The following ASS1 variants were observed in gnomAD, a reference collection of about 807,000 sequenced individuals.
ASS1 encodes argininosuccinate synthase.
In ASS1, 58 loss-of-function variants were observed where a neutral mutation model predicts 60.5. That is an observed-to-expected ratio of 0.96 (90% CI 0.78 to 1.19). The LOEUF is 1.19. Ranked by LOEUF, ASS1 falls within the 50% of genes most tolerant of loss-of-function variation. The probability of loss-of-function intolerance (pLI) is 0.00; values close to 1 mark genes in which losing one functional copy is unlikely to be tolerated. For synonymous variants in ASS1, 200 were observed against 206.9 expected, an observed-to-expected ratio of 0.97 and a Z score of 0.29; for missense variants, 454 against 547.3, an observed-to-expected ratio of 0.83 and a Z score of 1.70.
chr9:130,482,363 TCATAATAAGGGCCTGCCACAGG>T (rs1209503991), intron 11 of ASS1, among the ~76,000 whole-genome samples: 3 of 151,094 alleles, frequency 2.0e-5, no homozygotes, highest in Admixed American at 6.6e-5. Context: ...ACCTGTCTTA[TCATAATAAGGGCCTGCCACAGG>T]CATGCCCTTG....
chr9:130,481,521 C>G (rs1846175400), intron 11 of ASS1, among the ~76,000 whole-genome samples: 1 of 152,212 alleles, frequency 6.6e-6, no homozygotes, highest in Non-Finnish European at 1.5e-5. Flanking sequence ...GAGAGCCGAT[C>G]ACCCCATGTG....
intron 4 of ASS1, among the ~76,000 whole-genome samples, chr9:130,460,068 C>T (rs189656788): frequency 2.0e-5 from 3 of 152,326 alleles, no homozygotes; most frequent in Admixed American, 2.0e-4. Context: ...GTTTACCAAC[C>T]CCACAGTCAG....
intron 14 of ASS1, 67 bp downstream of exon 14, chr9:130,499,637 C>T (rs548212658): frequency 4.7e-6 from 7 of 1,504,314 alleles, no homozygotes; most frequent in Non-Finnish European, 6.4e-6. Flanking sequence ...TTTGAGAGCC[C>T]CCAGGTGTAA....
chr9:130,471,793 A>T (rs1024385943), intron 8 of ASS1, among the ~76,000 whole-genome samples: 10 of 152,120 alleles, frequency 6.6e-5, no homozygotes, highest in Admixed American at 6.5e-5. Context: ...ATAGAGAGAG[A>T]GTGTGATTGT....
chr9:130,492,219 G>C (rs534789301), intron 12 of ASS1, among the ~76,000 whole-genome samples: 2 of 152,190 alleles, frequency 1.3e-5, no homozygotes, highest in Non-Finnish European at 1.5e-5. Flanking sequence ...TAATGGTCTT[G>C]AGCAGGGCTG....
intron 11 of ASS1, among the ~76,000 whole-genome samples, chr9:130,482,569 C>T (rs1410915471): frequency 6.6e-6 from 1 of 151,732 alleles, no homozygotes; most frequent in Non-Finnish European, 1.5e-5. Context: ...TGTGAAATGG[C>T]ATCCTGTGGG....
chr9:130,465,179 A>G (rs1845705891), intron 5 of ASS1, among the ~76,000 whole-genome samples: 1 of 151,702 alleles, frequency 6.6e-6, no homozygotes, highest in South Asian at 2.1e-4. Flanking sequence ...CTCCTGAATA[A>G]CTGGGACTAT....
At chr9:130,482,116 G>T (rs1846187104) in intron 11 of ASS1, among the ~76,000 whole-genome samples, 2 of 152,146 alleles carry the variant, frequency 1.3e-5, no homozygotes, top group Non-Finnish European at 2.9e-5. Flanking sequence ...AGGCACTTTA[G>T]TGGCAGGACC....
At chr9:130,480,329 G>A in intron 10 of ASS1, 56 bp from the exon 11 acceptor site, 1 of 1,603,418 alleles carries the variant, frequency 6.2e-7, no homozygotes, top group Non-Finnish European at 8.5e-7. Context: ...CAGCTGGGTG[G>A]GTGACTCTGA....
Position 130,476,979 on chromosome 9 carries a change from G to A in ASS1, c.688+18G>A. The A allele has an allele frequency of 6.2e-7, 1 of 1,608,386 alleles. No individual in the cohort carries two copies. The highest frequency in any genetic ancestry group is 8.5e-7 in the Non-Finnish European group (1 of 1,174,892). On this transcript the variant is annotated intron_variant, in intron 9 of 14. Transcript: ENST00000352480. The surrounding 1 kb of genome is among the most constrained non-coding windows in gnomAD (Gnocchi z 4.9). The stretch of plus-strand genomic sequence containing the variant: ...CAAAAAAGGTATGTGCCCACCTGTT[G>A]GGACTCGAAGGGGGTTGACTTTTGG...
At chr9:130,484,799 G>GCACACA (rs3030699) in intron 11 of ASS1, among the ~76,000 whole-genome samples, 140 of 146,702 alleles carry the variant, frequency 9.5e-4, no homozygotes, top group Middle Eastern at 3.4e-3. Flanking sequence ...AGCTTTAAAC[G>GCACACA]CACACACACA....
At chr9:130,479,623 G>A (rs922633796) in intron 9 of ASS1, 93 bp from the exon 10 acceptor site, 1 of 993,396 alleles carries the variant, frequency 1.0e-6, no homozygotes, top group Non-Finnish European at 1.6e-6. Flanking sequence ...TCCATTTAAG[G>A]CGTTTCGGGA....
At chr9:130,455,135 T>C (rs1845419625) in intron 3 of ASS1, among the ~76,000 whole-genome samples, 1 of 147,978 alleles carries the variant, frequency 6.8e-6, no homozygotes, top group Admixed American at 6.7e-5. Context: ...TATTCATCCA[T>C]CATCCATCCA....
In ASS1 at chr9:130,474,384, G is replaced by A. The variant is rs929806568; in HGVS notation, c.598-2487G>A. 3.9e-5 allele frequency among the ~76,000 whole-genome samples: 6 copies of A among 152,148 alleles called. No homozygotes were observed. The South Asian group carries it at 8.3e-4, about 21-fold the overall frequency. ...TGCACACACTGTCAGCCTCCACTTC[G>A]GTCTGGGGCTCCCTCAGGAAGTGTG... On this transcript the variant is annotated intron_variant, in intron 8 of 14. Transcript: ENST00000352480.
At chr9:130,486,700 G>A (rs996243852) in intron 11 of ASS1, among the ~76,000 whole-genome samples, 5 of 152,162 alleles carry the variant, frequency 3.3e-5, no homozygotes, top group South Asian at 2.1e-4. Flanking sequence ...CCAATGAAGC[G>A]GGATGGGCTC....
Position 130,470,900 on chromosome 9 carries a change from A to G in ASS1, c.562A>G (p.Ile188Val), listed in dbSNP as rs762510847. 6.2e-7 allele frequency: 1 copy of G among 1,613,976 alleles called. No individual in the cohort carries two copies. Among genetic ancestry groups the G allele is most frequent in the Non-Finnish European group, 8.5e-7 (1 of 1,179,894 alleles). Residue 188 changes from isoleucine to valine, a missense_variant, in exon 7 of 15, where the codon ATC becomes GTC. Ile to Val is a conservative substitution (Grantham distance 29, BLOSUM62 3). Transcript: ENST00000352480. The surrounding 1 kb of genome is among the most constrained non-coding windows in gnomAD (Gnocchi z 4.3). ...PWSMDENLMH[I>V]SYEAGILENP... ...GAGCATGGATGAGAACCTCATGCAC[A>G]TCAGGTAAATCCCACCCTCCACCCA...
At position 130,479,661 on chromosome 9, in the gene ASS1, A is replaced by G. The variant is rs543038250; in HGVS notation, c.689-55A>G. 1.4e-5 allele frequency: 20 copies of G among 1,429,378 alleles called. No homozygotes were observed. In the South Asian group the frequency reaches 1.9e-4, roughly 14 times the overall value. 88.5% of individuals were successfully genotyped at this position (1,429,378 alleles called of 1,614,324 possible). A position where few individuals can be genotyped will look rare whatever the true frequency, so the allele number is the denominator to read the frequency against. ...AGGGAGAGGGTGGGGTGGCGGGTGC[A>G]GACTCCTCCGCTGAGCCGGGCCCAG... On this transcript the variant is annotated intron_variant, in intron 9 of 14. Transcript: ENST00000352480.
intron 1 of ASS1, among the ~76,000 whole-genome samples, chr9:130,448,422 G>GCACGCA (rs1554981375): frequency 7.0e-6 from 1 of 143,294 alleles, no homozygotes; most frequent in Non-Finnish European, 1.5e-5. Context: ...GTGTGCGCGC[G>GCACGCA]CACACACACA....
intron 3 of ASS1, among the ~76,000 whole-genome samples, chr9:130,455,136 C>A (rs1238100042): frequency 4.0e-5 from 6 of 150,964 alleles, no homozygotes; most frequent in African/African-American, 1.5e-4. Flanking sequence ...ATTCATCCAT[C>A]ATCCATCCAT....
Sources: gnomAD v4.1 joint callset for allele counts (sites outside exome capture counted in the v4.1 genomes callset) on GRCh38, gnomAD v4.1.1 for gene constraint, Gnocchi (gnomAD v3.1) non-coding constraint, MANE v1.5 for transcripts, NCBI Gene and HGNC (gene_info 2026-07-23, HGNC 2026-07-21) for gene names.